Variants in TRMT112 observed in about 807,000 individuals in gnomAD.
TRMT112 encodes the protein tRNA methyltransferase activator subunit 11-2.
Under a neutral mutation model 13.8 loss-of-function variants are expected in TRMT112, and 9 were observed. That is an observed-to-expected ratio of 0.65 (90% CI 0.39 to 1.14). The LOEUF is 1.14. Among genes scored for constraint, TRMT112 ranks in the 50% most tolerant of loss-of-function variants. The pLI, the probability that TRMT112 is intolerant of heterozygous loss-of-function variation, is 0.01. For synonymous variants in TRMT112, 64 were observed against 67.0 expected (o/e 0.96, Z 0.22); for missense variants, 196 against 165.5 (o/e 1.18, Z -1.01).
At chr11:64,317,387 G>C (rs539630674) in intron 1 of TRMT112, 22 bp from the exon 2 acceptor site, 1 of 1,614,060 alleles carries the variant, frequency 6.2e-7, no homozygotes, top group East Asian at 2.2e-5. Context: ...AGGAGTTTAG[G>C]CAAGCACTGG....
rs41294428 is a variant in TRMT112, at chr11:64,317,264, G to A, written c.180C>T (p.Asn60=). The A allele has an allele frequency of 3.7e-6, 6 of 1,610,298 alleles. No individual in the cohort carries two copies. The African/African-American group carries it at 6.7e-5, about 18-fold the overall frequency. The part of the protein sequence containing the change: ...EWSAFLEAAD[N]LRLIQVPKGP... ...GCTGGGGCGGGGTAAGGATCCTCAC[G>A]TTATCGGCCGCCTCCAGGAACGCCG... Residue 60 remains asparagine (N), a splice_region_variant and synonymous_variant, in exon 2 of 4, where the codon AAC becomes AAT. Transcript: ENST00000544844.
chr11:64,317,901 T>A (rs2035349240), upstream of TRMT112: 1 of 1,338,002 alleles, frequency 7.5e-7, no homozygotes, highest in Admixed American at 3.6e-5. Flanking sequence ...CCACTTTCGG[T>A]TAAGGGGCAG....
chr11:64,316,549 C>A lies in TRMT112; in HGVS notation c.*312G>T. 1 of 307,248 alleles carries A rather than the reference C, an allele frequency of 3.3e-6. No homozygotes were observed. Among genetic ancestry groups the A allele is most frequent in the South Asian group, 3.4e-5 (1 of 29,450 alleles). The allele number at this position is 307,248 out of a possible 1,614,324, so 19.0% of individuals were successfully genotyped here. On this transcript the variant is annotated 3_prime_UTR_variant, in exon 4 of 4. Coordinates refer to ENST00000544844, the MANE Select transcript of TRMT112 (RefSeq NM_016404.3). ...CTCAGGGGGTAGGAGAGCACTGCCT[C>A]TATGCCCTGCAGAGCAATAACACTA... is the stretch of plus-strand genomic sequence containing the variant.
chr11:64,317,967 T>C, upstream of TRMT112: 1 of 1,398,644 alleles, frequency 7.1e-7, no homozygotes, highest in Non-Finnish European at 9.2e-7. Flanking sequence ...ACCTCATTCC[T>C]ATATGCAAAT....
chr11:64,318,134 T>A (rs1440276442), upstream of TRMT112: 3 of 1,569,080 alleles, frequency 1.9e-6, no homozygotes, highest in African/African-American at 1.4e-5. Flanking sequence ...CCGCAGGGTG[T>A]CGCCGCTGTG....
rs1005488491 is a variant in TRMT112 at position 64,317,045 on chromosome 11, G to A, written c.270+13C>T. The A allele has an allele frequency of 2.5e-6, 4 of 1,614,054 alleles. No individual in the cohort carries two copies. The highest frequency in any genetic ancestry group is 2.7e-5 in the African/African-American group (2 of 75,016). On this transcript the variant is annotated intron_variant, in intron 3 of 3. Coordinates refer to ENST00000544844, the MANE Select transcript of TRMT112 (RefSeq NM_016404.3). ...CAGGTGGCCCGGGAAGCAAGTGATG[G>A]GCCGCTTCTCACCTCCAGCAGCAGG...
rs2035277742 is a variant in TRMT112, at chr11:64,316,669, A to G, written c.*192T>C. On this transcript the variant is annotated 3_prime_UTR_variant, in exon 4 of 4. Coordinates refer to ENST00000544844, the MANE Select transcript of TRMT112 (RefSeq NM_016404.3). The stretch of plus-strand genomic sequence containing the variant: ...GTACAGAGACTCTATTTTAATGTAT[A>G]TTTGCTGCAAAGAGAAACCGCTTTT... 1 of 596,696 alleles carries G rather than the reference A, an allele frequency of 1.7e-6. No individual in the cohort carries two copies. The highest frequency in any genetic ancestry group is 1.9e-5 in the African/African-American group (1 of 53,548). The allele number at this position is 596,696 out of a possible 1,614,324, so 37.0% of individuals were successfully genotyped here. A position where few individuals can be genotyped will look rare whatever the true frequency, so the allele number is the denominator to read the frequency against.
chr11:64,318,542 C>G (rs890708652), upstream of TRMT112, among the ~76,000 whole-genome samples: 2 of 152,198 alleles, frequency 1.3e-5, no homozygotes, highest in Non-Finnish European at 2.9e-5. Flanking sequence ...GGCTGCCCAC[C>G]TTTCTCGCCA....
At chr11:64,317,930 AAATT>A (rs2035350186), upstream of TRMT112, 1 of 1,372,544 alleles carries the variant, frequency 7.3e-7, no homozygotes, top group Non-Finnish European at 9.4e-7. Context: ...CCCTATCTGT[AAATT>A]AGGCCCATGG....
chr11:64,316,638 T>C lies in TRMT112; in HGVS notation c.*223A>G, dbSNP rs1459540952. 1 of 531,318 alleles carries C rather than the reference T, an allele frequency of 1.9e-6. No individual in the cohort carries two copies. Among genetic ancestry groups the C allele is most frequent in the East Asian group, 3.4e-5 (1 of 29,408 alleles). The allele number at this position is 531,318 out of a possible 1,614,324, so 32.9% of individuals were successfully genotyped here. A position where few individuals can be genotyped will look rare whatever the true frequency, so the allele number is the denominator to read the frequency against. ...TGGGGCAAGCCAGGGCCCAGAGCCC[T>C]TGGCTGTACAGAGACTCTATTTTAA... is the stretch of plus-strand genomic sequence containing the variant. On this transcript the variant is annotated 3_prime_UTR_variant, in exon 4 of 4. Transcript: ENST00000544844.
chr11:64,318,454 T>G, upstream of TRMT112: 2 of 1,527,886 alleles, frequency 1.3e-6, no homozygotes, highest in Middle Eastern at 1.8e-4. Context: ...CCCGCTAGTC[T>G]GAGAGTATCG....
chr11:64,317,393 A>C, intron 1 of TRMT112, 28 bp from the exon 2 acceptor site: 1 of 1,614,038 alleles, frequency 6.2e-7, no homozygotes, highest in Non-Finnish European at 8.5e-7. Context: ...TTAGGCAAGC[A>C]CTGGACCCCG....
upstream of TRMT112, chr11:64,318,365 T>C (rs1405545083): frequency 1.9e-6 from 3 of 1,609,634 alleles, no homozygotes; most frequent in East Asian, 6.7e-5. Flanking sequence ...GCAGAGCCGC[T>C]GCAGCCATGG....
upstream of TRMT112, chr11:64,317,869 T>C (rs188057784): frequency 8.4e-7 from 1 of 1,191,180 alleles, no homozygotes; most frequent in Non-Finnish European, 1.1e-6. Flanking sequence ...CACAGGCGCC[T>C]AACACCGTCG....
In TRMT112 at chr11:64,317,044, G is replaced by A. The variant is rs575003976; in HGVS notation, c.270+14C>T. ...GCAGGTGGCCCGGGAAGCAAGTGAT[G>A]GGCCGCTTCTCACCTCCAGCAGCAG... On this transcript the variant is annotated intron_variant, in intron 3 of 3. Transcript: ENST00000544844. 6.2e-7 allele frequency: 1 copy of A among 1,614,026 alleles called. No homozygotes were observed. Among genetic ancestry groups the A allele is most frequent in the Non-Finnish European group, 8.5e-7 (1 of 1,179,904 alleles).
At chr11:64,317,671 A>C, upstream of TRMT112, 1 of 948,234 alleles carries the variant, frequency 1.1e-6, no homozygotes, top group Non-Finnish European at 1.5e-6. Context: ...TGTTTGTGGG[A>C]GCTGAGGTAG....
rs922765396 is a variant in TRMT112, at chr11:64,316,823, TA to T, written c.*37del. Reference sequence around the variant, plus strand: ...GAAACAGGGTATAGATCAACAAAAATACACAGTCATAACAAGAAAAACTGGC... The same window carrying T: ...GAAACAGGGTATAGATCAACAAAAATCACAGTCATAACAAGAAAAACTGGC... On this transcript the variant is annotated 3_prime_UTR_variant, in exon 4 of 4. Coordinates refer to ENST00000544844, the MANE Select transcript of TRMT112 (RefSeq NM_016404.3). 4 of 1,416,962 alleles carry T rather than the reference TA, an allele frequency of 2.8e-6. No homozygotes were observed. The African/African-American group carries it at 5.6e-5, about 20-fold the overall frequency. 87.8% of individuals were successfully genotyped at this position (1,416,962 alleles called of 1,614,324 possible).
Position 64,317,502 on chromosome 11 carries a change from G to T in TRMT112, c.25C>A (p.Leu9Met). The T allele has an allele frequency of 1.9e-6, 3 of 1,598,836 alleles. No individual in the cohort carries two copies. The South Asian group carries it at 3.3e-5, about 18-fold the overall frequency. Reference sequence around the variant, plus strand: ...CCCACCCCCCGCACATGCGAGCTCAGCAGATTGTGGGTAAGCAGTTTCATG... The same window carrying T: ...CCCACCCCCCGCACATGCGAGCTCATCAGATTGTGGGTAAGCAGTTTCATG... MKLLTHNL[L>M]SSHVRGVGSR... is the part of the protein sequence containing the mutation. The change falls in exon 1 of 4, where the codon CTG becomes ATG. Residue 9 changes from leucine to methionine, a missense_variant. By Grantham distance (15) the Leu-to-Met change is conservative. Transcript: ENST00000544844.
upstream of TRMT112, chr11:64,318,321 G>A (rs1019065444): frequency 1.9e-6 from 3 of 1,612,698 alleles, no homozygotes; most frequent in South Asian, 1.1e-5. Context: ...GTACAGTGAA[G>A]GAGAGTGGGC....
Sources: gnomAD v4.1 joint callset for allele counts (sites outside exome capture counted in the v4.1 genomes callset) on GRCh38, gnomAD v4.1.1 for gene constraint, MANE v1.5 for transcripts, NCBI Gene and HGNC (gene_info 2026-07-23, HGNC 2026-07-21) for gene names.